EXOC6B: variants seen among roughly 807,000 people sequenced by gnomAD.
EXOC6B encodes the protein exocyst complex component 6B.
A neutral mutation model predicts 113.5 loss-of-function variants in EXOC6B; 54 were observed. The ratio of observed to expected loss-of-function variants is 0.48; its 90% confidence interval spans 0.38 to 0.60. The LOEUF (loss-of-function observed/expected upper bound fraction) is 0.60, where lower values mean the gene tolerates loss of function less well. Ranked by LOEUF, EXOC6B falls within the 20% of genes least tolerant of loss-of-function variation. The pLI is 0.00. For missense variants in EXOC6B, 797 were observed against 977.5 expected, an observed-to-expected ratio of 0.82 and a Z score of 2.46; for synonymous variants, 357 against 339.0, an observed-to-expected ratio of 1.05 and a Z score of -0.58.
intron 18 of EXOC6B, among the ~76,000 whole-genome samples, chr2:72,399,350 A>G (rs1021383614): frequency 2.6e-5 from 4 of 152,210 alleles, no homozygotes; most frequent in African/African-American, 9.6e-5. Context: ...CTGACACAAT[A>G]TAAGGATGCC....
chr2:72,729,533 C>T (rs1558955034), intron 5 of EXOC6B, among the ~76,000 whole-genome samples: 1 of 151,584 alleles, frequency 6.6e-6, no homozygotes, highest in Non-Finnish European at 1.5e-5. Context: ...AGCCAATTCT[C>T]ATGCCTTGGC....
intron 20 of EXOC6B, among the ~76,000 whole-genome samples, chr2:72,275,331 A>G (rs1277380545): frequency 6.6e-6 from 1 of 152,152 alleles, no homozygotes; most frequent in Non-Finnish European, 1.5e-5. Flanking sequence ...TGTCTAACCC[A>G]TGTGTCAACA....
At chr2:72,725,671 C>T (rs1680256208) in intron 5 of EXOC6B, among the ~76,000 whole-genome samples, 1 of 152,172 alleles carries the variant, frequency 6.6e-6, no homozygotes, top group Admixed American at 6.5e-5. Context: ...GGATTACAGG[C>T]GTAAGCCACC....
At chr2:72,627,008 A>G (rs778165440) in intron 6 of EXOC6B, among the ~76,000 whole-genome samples, 6 of 152,106 alleles carry the variant, frequency 3.9e-5, no homozygotes, top group Non-Finnish European at 5.9e-5. Context: ...TGAGTATTCT[A>G]TTGCAGAGGG....
At chr2:72,199,943 C>T (rs1679390867) in intron 20 of EXOC6B, among the ~76,000 whole-genome samples, 1 of 152,152 alleles carries the variant, frequency 6.6e-6, no homozygotes, top group Admixed American at 6.6e-5. Context: ...CTCACCCAGA[C>T]TGGAGTGCAA....
At chr2:72,643,568 A>G (rs1233894881) in intron 6 of EXOC6B, among the ~76,000 whole-genome samples, 11 of 143,272 alleles carry the variant, frequency 7.7e-5, no homozygotes, top group Admixed American at 2.9e-4. Flanking sequence ...AACAATGAGA[A>G]CACATGGACA....
At chr2:72,392,379 G>T (rs1692443601) in intron 18 of EXOC6B, among the ~76,000 whole-genome samples, 1 of 152,166 alleles carries the variant, frequency 6.6e-6, no homozygotes, top group South Asian at 2.1e-4. Flanking sequence ...AGTCCAGCTT[G>T]GGCAGCAGCC....
At chr2:72,372,709 G>A (rs1421672656) in intron 19 of EXOC6B, among the ~76,000 whole-genome samples, 2 of 152,004 alleles carry the variant, frequency 1.3e-5, no homozygotes, top group East Asian at 1.9e-4. Flanking sequence ...GGCGGGTATG[G>A]TGGCACACAC....
intron 19 of EXOC6B, among the ~76,000 whole-genome samples, chr2:72,337,319 A>G (rs1381580070): frequency 6.6e-6 from 1 of 152,118 alleles, no homozygotes; most frequent in Admixed American, 6.6e-5. Context: ...GCATTGCATA[A>G]CTCAAGTCTA....
rs566292985 is a variant in EXOC6B, at chr2:72,653,485, A to G, written c.669+64618T>C. On this transcript the variant is annotated intron_variant, in intron 6 of 21. Coordinates refer to ENST00000272427, the MANE Select transcript of EXOC6B (RefSeq NM_015189.3). ...GACGAGTTAATGGGTGCAGCACACC[A>G]GCATGGCACATGAATACATATGTAA... is the stretch of plus-strand genomic sequence containing the variant. Among the ~76,000 whole-genome samples the G allele has an allele frequency of 6.7e-5, 10 of 150,046 alleles. No homozygotes were observed. In the South Asian group the frequency reaches 1.7e-3, roughly 25 times the overall value.
intron 6 of EXOC6B, 21 bp from the exon 7 acceptor site, chr2:72,575,689 C>T (rs1323556451): frequency 2.6e-6 from 4 of 1,519,362 alleles, no homozygotes; most frequent in African/African-American, 1.4e-5. Flanking sequence ...GAAGAACACA[C>T]ACAAACACAC....
At chr2:72,518,930 A>C (rs1403420853) in intron 8 of EXOC6B, among the ~76,000 whole-genome samples, 1 of 152,154 alleles carries the variant, frequency 6.6e-6, no homozygotes, top group East Asian at 1.9e-4. Flanking sequence ...TATGGGTGAT[A>C]AAGAATAGGA....
intron 18 of EXOC6B, among the ~76,000 whole-genome samples, chr2:72,438,409 G>A (rs1696008253): frequency 6.6e-6 from 1 of 152,032 alleles, no homozygotes; most frequent in Non-Finnish European, 1.5e-5. Context: ...AGGAGTTTGA[G>A]ACCAGCCTGT....
intron 6 of EXOC6B, among the ~76,000 whole-genome samples, chr2:72,680,987 C>G (rs1261209894): frequency 6.6e-6 from 1 of 152,176 alleles, no homozygotes; most frequent in East Asian, 1.9e-4. Flanking sequence ...AACCTATCCT[C>G]TGAATGCTGT....
At chr2:72,632,222 TAG>T (rs1287246574) in intron 6 of EXOC6B, among the ~76,000 whole-genome samples, 1 of 152,148 alleles carries the variant, frequency 6.6e-6, no homozygotes, top group African/African-American at 2.4e-5. Flanking sequence ...TTAAAACATT[TAG>T]ACTTACTAAT....
chr2:72,375,974 T>C (rs1691333584), intron 19 of EXOC6B, among the ~76,000 whole-genome samples: 1 of 152,192 alleles, frequency 6.6e-6, no homozygotes, highest in South Asian at 2.1e-4. Context: ...AGCACCATCC[T>C]TTACAGCCTA....
intron 5 of EXOC6B, among the ~76,000 whole-genome samples, chr2:72,727,074 T>C (rs936821553): frequency 2.6e-5 from 4 of 152,168 alleles, no homozygotes; most frequent in Admixed American, 1.3e-4. Context: ...CCAGGGGTTC[T>C]GTAACCAATA....
chr2:72,378,276 C>T (rs1240753529), intron 19 of EXOC6B, among the ~76,000 whole-genome samples: 1 of 152,200 alleles, frequency 6.6e-6, no homozygotes, highest in Non-Finnish European at 1.5e-5. Context: ...CAACTCCTTG[C>T]TCTCTGGTAC....
chr2:72,492,882 T>A (rs1170229133), intron 15 of EXOC6B, among the ~76,000 whole-genome samples: 2 of 152,170 alleles, frequency 1.3e-5, no homozygotes, highest in African/African-American at 4.8e-5. Context: ...GTTGTTGCTA[T>A]TATTTATCTG....
Sources: gnomAD v4.1 joint callset for allele counts (sites outside exome capture counted in the v4.1 genomes callset) on GRCh38, gnomAD v4.1.1 for gene constraint, MANE v1.5 for transcripts, NCBI Gene and HGNC (gene_info 2026-07-23, HGNC 2026-07-21) for gene names.